SPECC1: variants seen among roughly 807,000 people sequenced by gnomAD.
The protein encoded by SPECC1 is sperm antigen with calponin homology and coiled-coil domains 1.
In SPECC1, 62 loss-of-function variants were observed where a neutral mutation model predicts 104.1. The observed-to-expected ratio is 0.60, with a 90% CI of 0.49 to 0.74. SPECC1 has a LOEUF of 0.74. Among genes scored for constraint, SPECC1 ranks in the 30% least tolerant of loss-of-function variants. SPECC1 has a pLI of 0.00. For synonymous variants in SPECC1, 513 were observed against 501.6 expected, an observed-to-expected ratio of 1.02 and a Z score of -0.30; for missense variants, 1,306 against 1,310.5, an observed-to-expected ratio of 1.00 and a Z score of 0.05.
rs777130259 is a variant in SPECC1, at chr17:20,204,337, C to T, written c.288C>T (p.Ala96=). The T allele has an allele frequency of 6.2e-7, 1 of 1,606,398 alleles. No homozygotes were observed. Among genetic ancestry groups the T allele is most frequent in the South Asian group, 1.1e-5 (1 of 89,254 alleles). The part of the protein sequence containing the change: ...TESRLRSGTG[A]FTTTKRTGIP... ...TTTTCTTCTTCTGTCTTTAAGGGGC[C>T]TTTACAACAACTAAACGGACAGGCA... Residue 96 remains alanine (A), a synonymous_variant, in exon 4 of 15, where the codon GCC becomes GCT. Transcript: ENST00000395527.
intron 13 of SPECC1, among the ~76,000 whole-genome samples, chr17:20,297,384 C>T (rs2142035485): frequency 6.6e-6 from 1 of 152,332 alleles, no homozygotes; most frequent in Middle Eastern, 3.4e-3. Flanking sequence ...GTCTTGGACA[C>T]TGTATATTGC....
At chr17:20,299,361 C>G (rs1037252108) in intron 13 of SPECC1, among the ~76,000 whole-genome samples, 1 of 150,222 alleles carries the variant, frequency 6.7e-6, no homozygotes, top group African/African-American at 2.5e-5. Flanking sequence ...TAAGACCAGC[C>G]TAGGCAACAT....
At chr17:20,050,926 C>A (rs994431273) in intron 1 of SPECC1, among the ~76,000 whole-genome samples, 8 of 152,210 alleles carry the variant, frequency 5.3e-5, no homozygotes, top group African/African-American at 1.9e-4. Flanking sequence ...CTTCTTAAAG[C>A]ACAATTTTAG....
chr17:20,221,762 T>C (rs1428647884), intron 4 of SPECC1, among the ~76,000 whole-genome samples: 12 of 152,154 alleles, frequency 7.9e-5, no homozygotes. Flanking sequence ...CTGTTTTTGA[T>C]GTAGGCGCTG....
chr17:20,184,858 T>C (rs1307434405), intron 3 of SPECC1, among the ~76,000 whole-genome samples: 1 of 152,260 alleles, frequency 6.6e-6, no homozygotes, highest in Non-Finnish European at 1.5e-5. Context: ...TCCTAGAGCT[T>C]GATTTTGAAG....
intron 2 of SPECC1, among the ~76,000 whole-genome samples, chr17:20,104,982 G>A (rs1454447875): frequency 6.6e-6 from 1 of 152,044 alleles, no homozygotes; most frequent in Non-Finnish European, 1.5e-5. Flanking sequence ...GAAAACAGCT[G>A]CAATGATGAT....
rs914019771 is a variant in SPECC1 at position 20,049,612 on chromosome 17, C to A, written c.-22+40188C>A. Among the ~76,000 whole-genome samples the A allele has an allele frequency of 6.6e-5, 10 of 151,894 alleles. 1 individual carries two copies. The highest frequency in any genetic ancestry group is 5.2e-4 in the Admixed American group (8 of 15,250). On this transcript the variant is annotated intron_variant, in intron 1 of 14. Coordinates refer to ENST00000395527, the MANE Select transcript of SPECC1 (RefSeq NM_001243439.2). Reference sequence around the variant, plus strand: ...GGATATGAGTCAAGTTTTGTTTTCCCAGTTCATTCAGCTATGATTATTTAG... The same window carrying A: ...GGATATGAGTCAAGTTTTGTTTTCCAAGTTCATTCAGCTATGATTATTTAG...
chr17:20,061,489 A>G (rs556872697), intron 1 of SPECC1, among the ~76,000 whole-genome samples: 3 of 152,334 alleles, frequency 2.0e-5, no homozygotes, highest in South Asian at 4.1e-4. Flanking sequence ...TTTGGTGGCA[A>G]GGACCATGGT....
chr17:20,234,724 A>G (rs917358660), intron 7 of SPECC1, among the ~76,000 whole-genome samples: 15 of 152,184 alleles, frequency 9.9e-5, no homozygotes, highest in African/African-American at 3.6e-4. Flanking sequence ...TCCAGACATG[A>G]GATTACCTGG....
At chr17:20,275,170 G>A (rs900628222) in intron 12 of SPECC1, among the ~76,000 whole-genome samples, 2 of 151,968 alleles carry the variant, frequency 1.3e-5, no homozygotes, top group Non-Finnish European at 2.9e-5. Context: ...TTACTAGTAG[G>A]GGAACATTTG....
chr17:20,207,663 AG>A (rs1330113762), intron 4 of SPECC1, among the ~76,000 whole-genome samples: 1 of 152,254 alleles, frequency 6.6e-6, no homozygotes, highest in African/African-American at 2.4e-5. Context: ...AAAAAAGAAA[AG>A]TATTACCTTT....
chr17:20,107,144 C>CAAAA (rs531912350), intron 2 of SPECC1, among the ~76,000 whole-genome samples: 1,169 of 68,102 alleles, frequency 0.017, 84 homozygotes, highest in Non-Finnish European at 0.02. Flanking sequence ...ACTCGTGTCT[C>CAAAA]AAAAAAAAAA....
At chr17:20,036,533 C>T (rs2045090866) in intron 1 of SPECC1, among the ~76,000 whole-genome samples, 1 of 152,174 alleles carries the variant, frequency 6.6e-6, no homozygotes, top group Admixed American at 6.5e-5. Context: ...GTATGCATTA[C>T]TTCACATAGT....
chr17:20,218,157 C>T (rs1159437090), intron 4 of SPECC1, among the ~76,000 whole-genome samples: 1 of 152,202 alleles, frequency 6.6e-6, no homozygotes, highest in Non-Finnish European at 1.5e-5. Flanking sequence ...TATTATATTA[C>T]TACCTAGTGT....
intron 3 of SPECC1, among the ~76,000 whole-genome samples, chr17:20,111,033 C>G (rs1251384419): frequency 6.6e-6 from 1 of 152,140 alleles, no homozygotes; most frequent in Non-Finnish European, 1.5e-5. Context: ...GCAGTGGCAA[C>G]AGGAAGCTGT....
At chr17:20,279,478 A>G (rs1325630242) in intron 12 of SPECC1, among the ~76,000 whole-genome samples, 1 of 151,858 alleles carries the variant, frequency 6.6e-6, no homozygotes, top group East Asian at 1.9e-4. Flanking sequence ...ATGCGCCACC[A>G]TGCCCGGCTA....
intron 1 of SPECC1, among the ~76,000 whole-genome samples, chr17:20,055,038 A>C (rs183727913): frequency 5.8e-4 from 89 of 152,314 alleles, no homozygotes; most frequent in Middle Eastern, 3.4e-3. Flanking sequence ...TTGAGAGCTT[A>C]TTCATCTTAC....
intron 3 of SPECC1, among the ~76,000 whole-genome samples, chr17:20,160,510 C>T (rs2033041776): frequency 6.6e-6 from 1 of 152,142 alleles, no homozygotes; most frequent in Non-Finnish European, 1.5e-5. Context: ...ATTAGTGTCT[C>T]TTTGTAGACA....
intron 3 of SPECC1, among the ~76,000 whole-genome samples, chr17:20,183,159 A>G (rs953019373): frequency 6.6e-6 from 1 of 152,232 alleles, no homozygotes; most frequent in Non-Finnish European, 1.5e-5. Flanking sequence ...AGTAGTAATC[A>G]GAGAAATGCA....
Sources: gnomAD v4.1 joint callset for allele counts (sites outside exome capture counted in the v4.1 genomes callset) on GRCh38, gnomAD v4.1.1 for gene constraint, MANE v1.5 for transcripts, NCBI Gene and HGNC (gene_info 2026-07-23, HGNC 2026-07-21) for gene names.